CPQ: variants seen among roughly 807,000 people sequenced by gnomAD.
CPQ encodes Ser-Met dipeptidase.
Under a neutral mutation model 45.7 loss-of-function variants are expected in CPQ, and 37 were observed. The observed-to-expected ratio is 0.81, with a 90% confidence interval of 0.62 to 1.07. The LOEUF is 1.07. CPQ is among the 50% of genes least tolerant of loss of function. The probability of loss-of-function intolerance (pLI) is 0.00; values close to 1 mark genes in which losing one functional copy is unlikely to be tolerated. For synonymous variants in CPQ, 186 were observed against 205.8 expected, an observed-to-expected ratio of 0.90 and a Z score of 0.82; for missense variants, 537 against 572.9, an observed-to-expected ratio of 0.94 and a Z score of 0.64.
At position 96,975,080 on chromosome 8, in the gene CPQ, A is replaced by G. The variant is rs115442775; in HGVS notation, c.961+9034A>G. 4.3e-3 allele frequency among the ~76,000 whole-genome samples: 650 copies of G among 152,242 alleles called. 4 individuals are homozygous for G. The highest frequency in any genetic ancestry group is 0.015 in the African/African-American group (637 of 41,570). The stretch of plus-strand genomic sequence containing the variant: ...ACAAAAGCTGGTTCTTTGAAAAGAT[A>G]AATGAAACAGATAGACCAACGAGAT... On this transcript the variant is annotated intron_variant, in intron 5 of 7. Transcript: ENST00000220763.
At chr8:96,662,823 AC>A (rs1808849919) in intron 1 of CPQ, among the ~76,000 whole-genome samples, 3 of 152,198 alleles carry the variant, frequency 2.0e-5, no homozygotes, top group Middle Eastern at 3.4e-3. Flanking sequence ...CCTCAACTGT[AC>A]AAAAAATATG....
chr8:96,868,297 A>G (rs990937753), intron 3 of CPQ, among the ~76,000 whole-genome samples: 9 of 152,050 alleles, frequency 5.9e-5, no homozygotes, highest in Non-Finnish European at 1.0e-4. Context: ...GATAACACCA[A>G]TCATTTGTAT....
At chr8:96,750,214 G>T (rs905816445) in intron 1 of CPQ, among the ~76,000 whole-genome samples, 4 of 151,252 alleles carry the variant, frequency 2.6e-5, no homozygotes, top group African/African-American at 9.7e-5. Flanking sequence ...AGTTTACCTT[G>T]ATGTTACAAA....
At chr8:96,856,997 T>C (rs1200068025) in intron 3 of CPQ, among the ~76,000 whole-genome samples, 1 of 152,190 alleles carries the variant, frequency 6.6e-6, no homozygotes, top group Non-Finnish European at 1.5e-5. Context: ...TGTTTTGTTA[T>C]CTATGTGATG....
chr8:97,058,112 C>A (rs1257004158), intron 6 of CPQ, among the ~76,000 whole-genome samples: 7 of 152,022 alleles, frequency 4.6e-5, no homozygotes, highest in Non-Finnish European at 1.0e-4. Flanking sequence ...CTGTCACAAT[C>A]CAGAAATGCT....
rs749240539 is a variant in CPQ, at chr8:96,785,218, A to C, written c.321A>C (p.Pro107=). The C allele has an allele frequency of 6.2e-7, 1 of 1,613,662 alleles. No homozygotes were observed. Among genetic ancestry groups the C allele is most frequent in the Admixed American group, 1.7e-5 (1 of 59,934 alleles). Residue 107 remains proline, a synonymous_variant, in exon 2 of 8, where the codon CCA becomes CCC. Transcript: ENST00000220763. ...QDGLEKVHLE[P]VRIPHWERGE... ...GGCTGGAGAAAGTTCACCTGGAGCC[A>C]GTGAGAATACCCCACTGGGAGAGGG...
At chr8:96,970,445 G>C (rs766060059) in intron 5 of CPQ, among the ~76,000 whole-genome samples, 2 of 152,118 alleles carry the variant, frequency 1.3e-5, no homozygotes, top group African/African-American at 2.4e-5. Flanking sequence ...GGTAACTCGT[G>C]TTATATTCAT....
intron 3 of CPQ, among the ~76,000 whole-genome samples, chr8:96,853,262 G>A (rs6982224): frequency 0.51 from 77,837 of 152,034 alleles, 20,433 homozygotes; most frequent in African/African-American, 0.62. Context: ...GGGCGCATAT[G>A]AAACATTCTA....
chr8:96,898,553 A>T (rs983956304), intron 4 of CPQ, among the ~76,000 whole-genome samples: 2 of 147,246 alleles, frequency 1.4e-5, no homozygotes, highest in African/African-American at 5.0e-5. Flanking sequence ...CTTTGTTGTA[A>T]TACTGCTGTT....
At chr8:97,082,349 C>A (rs570956390) in intron 7 of CPQ, among the ~76,000 whole-genome samples, 1 of 151,894 alleles carries the variant, frequency 6.6e-6, no homozygotes, top group African/African-American at 2.4e-5. Flanking sequence ...CTATCTGACC[C>A]GGTTGGAAAA....
In CPQ at chr8:96,900,030, C is replaced by G. The variant is rs183979073; in HGVS notation, c.849+20025C>G. Among the ~76,000 whole-genome samples the G allele has an allele frequency of 2.0e-3, 300 of 152,214 alleles. 2 individuals are homozygous for G. The highest frequency in any genetic ancestry group is 6.7e-3 in the African/African-American group (279 of 41,530). ...ATCCTCTTCTTCAAATTCCTGGTAC[C>G]TTTTCTTTCTGACTAACAGAACTCT... On this transcript the variant is annotated intron_variant, in intron 4 of 7. Transcript: ENST00000220763.
At chr8:96,994,747 G>C (rs1809149963) in intron 5 of CPQ, among the ~76,000 whole-genome samples, 1 of 152,064 alleles carries the variant, frequency 6.6e-6, no homozygotes, top group Non-Finnish European at 1.5e-5. Flanking sequence ...TGTTGACCTA[G>C]AGTAATTTTT....
chr8:96,838,311 G>C (rs1157966353), intron 3 of CPQ, among the ~76,000 whole-genome samples: 1 of 152,086 alleles, frequency 6.6e-6, no homozygotes, highest in African/African-American at 2.4e-5. Flanking sequence ...TCAAGGGGGT[G>C]GTCAGAATGT....
At chr8:97,044,897 G>T (rs184779727) in intron 6 of CPQ, among the ~76,000 whole-genome samples, 2,898 of 152,244 alleles carry the variant, frequency 0.019, 96 homozygotes, top group African/African-American at 0.067. Context: ...TGCCCCTACT[G>T]GGGGGTGCCT....
chr8:96,780,699 C>A (rs887009674), intron 1 of CPQ, among the ~76,000 whole-genome samples: 50 of 147,138 alleles, frequency 3.4e-4, no homozygotes, highest in Admixed American at 2.5e-3. Flanking sequence ...TTCTTTCTTT[C>A]TTTTTCTTTA....
chr8:96,923,441 T>C lies in CPQ; in HGVS notation c.850-42494T>C, dbSNP rs368579157. ...GTCCATTGGGAATAATTTAGTCACC[T>C]TCTTCAACTTATTTTTCTCTTTTTC... is the stretch of plus-strand genomic sequence containing the variant. On this transcript the variant is annotated intron_variant, in intron 4 of 7. Coordinates refer to ENST00000220763, the MANE Select transcript of CPQ (RefSeq NM_016134.4). Among the ~76,000 whole-genome samples, 107 of 152,292 alleles carry C rather than the reference T, an allele frequency of 7.0e-4. No homozygotes were observed. The South Asian group carries it at 0.021, about 29-fold the overall frequency.
At chr8:96,949,865 C>T (rs561317466) in intron 4 of CPQ, among the ~76,000 whole-genome samples, 1 of 152,190 alleles carries the variant, frequency 6.6e-6, no homozygotes, top group Admixed American at 6.6e-5. Flanking sequence ...TTACTCACTG[C>T]TTGTGATTCT....
chr8:96,762,375 A>G (rs1011530926), intron 1 of CPQ, among the ~76,000 whole-genome samples: 7 of 152,210 alleles, frequency 4.6e-5, no homozygotes, highest in African/African-American at 1.7e-4. Context: ...GTGAATGTAA[A>G]TAATACCTAC....
chr8:96,765,913 C>T (rs1484078727), intron 1 of CPQ, among the ~76,000 whole-genome samples: 1 of 152,150 alleles, frequency 6.6e-6, no homozygotes, highest in African/African-American at 2.4e-5. Context: ...GAGAAATAAA[C>T]AGGAAATTCT....
Sources: gnomAD v4.1 joint callset for allele counts (sites outside exome capture counted in the v4.1 genomes callset) on GRCh38, gnomAD v4.1.1 for gene constraint, MANE v1.5 for transcripts, NCBI Gene and HGNC (gene_info 2026-07-23, HGNC 2026-07-21) for gene names.